The following CAMK2D variants were observed in gnomAD, a reference collection of about 807,000 sequenced individuals.
The protein encoded by CAMK2D is calcium/calmodulin-dependent protein kinase type II subunit delta.
CAMK2D carries 37 observed loss-of-function variants against 84.0 expected under a neutral mutation model. That is an observed-to-expected ratio of 0.44 (90% confidence interval 0.34 to 0.58). The LOEUF is 0.58. Ranked by LOEUF, CAMK2D falls within the 20% of genes least tolerant of loss-of-function variation. CAMK2D has a pLI of 0.02. For missense variants in CAMK2D, 448 were observed against 652.5 expected, an observed-to-expected ratio of 0.69 and a Z score of 3.41; for synonymous variants, 202 against 212.5, an observed-to-expected ratio of 0.95 and a Z score of 0.43.
chr4:113,595,999 A>G (rs556825713), intron 4 of CAMK2D, among the ~76,000 whole-genome samples: 33 of 152,326 alleles, frequency 2.2e-4, no homozygotes, highest in Admixed American at 1.6e-3. Context: ...TACCCATAGG[A>G]GAACTTCTTT....
chr4:113,740,876 C>A (rs1274559286), intron 2 of CAMK2D, among the ~76,000 whole-genome samples: 1 of 152,164 alleles, frequency 6.6e-6, no homozygotes, highest in Non-Finnish European at 1.5e-5. Flanking sequence ...GTTTCAGCTA[C>A]CTGCAGTCAA....
At chr4:113,612,105 G>C (rs9992778) in intron 3 of CAMK2D, among the ~76,000 whole-genome samples, 1 of 152,000 alleles carries the variant, frequency 6.6e-6, no homozygotes, top group African/African-American at 2.4e-5. Context: ...AACAAAAGTA[G>C]ATACTATAGT....
intron 4 of CAMK2D, among the ~76,000 whole-genome samples, chr4:113,553,078 A>T (rs1018518128): frequency 2.0e-5 from 3 of 152,182 alleles, no homozygotes; most frequent in Non-Finnish European, 4.4e-5. Context: ...TAACCTTGTA[A>T]GAGCTAACAT....
chr4:113,467,097 T>A (rs900539187), intron 16 of CAMK2D, among the ~76,000 whole-genome samples: 11 of 152,356 alleles, frequency 7.2e-5, no homozygotes, highest in Middle Eastern at 3.4e-3. Flanking sequence ...AATTACTGCA[T>A]GAAATATTTT....
intron 2 of CAMK2D, among the ~76,000 whole-genome samples, chr4:113,744,665 G>T (rs535241292): frequency 6.6e-6 from 1 of 152,098 alleles, no homozygotes; most frequent in South Asian, 2.1e-4. Flanking sequence ...TCACAAAATT[G>T]ATTATCATAG....
chr4:113,474,417 G>GA (rs991346405), intron 16 of CAMK2D, among the ~76,000 whole-genome samples: 3 of 135,070 alleles, frequency 2.2e-5, no homozygotes, highest in African/African-American at 5.4e-5. Context: ...TTTCTTGAAA[G>GA]AAAAAAATTC....
intron 2 of CAMK2D, among the ~76,000 whole-genome samples, chr4:113,733,730 T>C (rs1007045552): frequency 6.6e-6 from 1 of 152,198 alleles, no homozygotes. Flanking sequence ...TACAGAAACA[T>C]AGACTCTGCT....
rs1168976885 is a variant in CAMK2D at position 113,597,018 on chromosome 4, C to A, written c.275+12134G>T. ...TATTTTTAGTAGAGACGGGGTTTCA[C>A]CGTGTTAGCCAGGATGGTCTCCATC... On this transcript the variant is annotated intron_variant, in intron 4 of 20. Coordinates refer to ENST00000511664, the MANE Select transcript of CAMK2D (RefSeq NM_001321571.2). Among the ~76,000 whole-genome samples, 3 of 152,048 alleles carry A rather than the reference C, an allele frequency of 2.0e-5. 1 individual carries two copies. The highest frequency in any genetic ancestry group is 7.2e-5 in the African/African-American group (3 of 41,392).
intron 3 of CAMK2D, among the ~76,000 whole-genome samples, chr4:113,630,376 A>T (rs1266289596): frequency 1.3e-5 from 2 of 152,174 alleles, no homozygotes; most frequent in African/African-American, 4.8e-5. Context: ...CTTTGAGAAA[A>T]ATCACTTGCA....
chr4:113,560,906 A>T (rs1361505455), intron 4 of CAMK2D, among the ~76,000 whole-genome samples: 2 of 152,210 alleles, frequency 1.3e-5, no homozygotes, highest in African/African-American at 4.8e-5. Flanking sequence ...TAGTCTCATA[A>T]AGGCTAAGGG....
At chr4:113,462,585 A>G (rs1272566093) in intron 17 of CAMK2D, among the ~76,000 whole-genome samples, 2 of 152,108 alleles carry the variant, frequency 1.3e-5, no homozygotes, top group Non-Finnish European at 2.9e-5. Context: ...ATAAGTCTCC[A>G]TAGGCAAAGA....
At chr4:113,628,410 A>G (rs2099076357) in intron 3 of CAMK2D, among the ~76,000 whole-genome samples, 1 of 152,228 alleles carries the variant, frequency 6.6e-6, no homozygotes, top group African/African-American at 2.4e-5. Context: ...AATATAAGCT[A>G]TAATTAACAT....
At chr4:113,558,675 A>G (rs1391682553) in intron 4 of CAMK2D, among the ~76,000 whole-genome samples, 2 of 152,006 alleles carry the variant, frequency 1.3e-5, no homozygotes, top group Non-Finnish European at 2.9e-5. Flanking sequence ...ATACACTACT[A>G]TGTCATGTGT....
chr4:113,646,520 C>T (rs997897960), intron 3 of CAMK2D, among the ~76,000 whole-genome samples: 2 of 152,148 alleles, frequency 1.3e-5, no homozygotes, highest in Admixed American at 6.6e-5. Flanking sequence ...CAGGGCAGGC[C>T]TCCACTTTGG....
At chr4:113,624,619 C>T (rs1327649035) in intron 3 of CAMK2D, among the ~76,000 whole-genome samples, 1 of 152,130 alleles carries the variant, frequency 6.6e-6, no homozygotes, top group Non-Finnish European at 1.5e-5. Flanking sequence ...CTAAAAGGAA[C>T]TGTAGTCTGC....
At chr4:113,759,523 C>G (rs967042784) in intron 1 of CAMK2D, 109 bp from the exon 2 acceptor site, 45 of 509,526 alleles carry the variant, frequency 8.8e-5, no homozygotes, top group Non-Finnish European at 1.3e-4. Flanking sequence ...CAGTGAAGTA[C>G]AGTAATATCC....
intron 2 of CAMK2D, among the ~76,000 whole-genome samples, chr4:113,685,237 T>G (rs1258776025): frequency 7.4e-6 from 1 of 134,348 alleles, no homozygotes; most frequent in African/African-American, 2.6e-5. Flanking sequence ...CATTTCAGAC[T>G]TCTTTTTTTT....
chr4:113,714,017 G>A (rs2099504309), intron 2 of CAMK2D, among the ~76,000 whole-genome samples: 2 of 151,838 alleles, frequency 1.3e-5, no homozygotes, highest in African/African-American at 4.8e-5. Context: ...ATATCATACA[G>A]ATACTCTTCT....
At chr4:113,653,573 C>T (rs2099185296) in intron 3 of CAMK2D, among the ~76,000 whole-genome samples, 1 of 152,020 alleles carries the variant, frequency 6.6e-6, no homozygotes, top group Non-Finnish European at 1.5e-5. Context: ...GACTGTTGCT[C>T]AACTTCTGAT....
Sources: allele counts gnomAD v4.1 joint callset (sites outside exome capture counted in the v4.1 genomes callset), GRCh38; gene constraint gnomAD v4.1.1; transcripts MANE v1.5; gene names NCBI Gene and HGNC (gene_info 2026-07-23, HGNC 2026-07-21).